ME3: variants seen among roughly 807,000 people sequenced by gnomAD.
The protein encoded by ME3 is NADP-dependent malic enzyme, mitochondrial.
In ME3, 48 loss-of-function variants were observed where a neutral mutation model predicts 68.9. The observed-to-expected ratio is 0.70, with a 90% CI of 0.55 to 0.89. ME3 has a LOEUF of 0.89. Among genes scored for constraint, ME3 ranks in the 40% least tolerant of loss-of-function variants. ME3 has a pLI of 0.00. For synonymous variants in ME3, 320 were observed against 318.8 expected, an observed-to-expected ratio of 1.00 and a Z score of -0.04; for missense variants, 675 against 797.4, an observed-to-expected ratio of 0.85 and a Z score of 1.85.
chr11:86,502,581 C>T (rs908124243), intron 5 of ME3, among the ~76,000 whole-genome samples: 4 of 152,164 alleles, frequency 2.6e-5, no homozygotes, highest in African/African-American at 9.6e-5. Context: ...CCCTGTTTTT[C>T]GTGACATCAA....
At position 86,492,413 on chromosome 11, in the gene ME3, G is replaced by A. The variant is rs1952060683; in HGVS notation, c.706-4973C>T. On this transcript the variant is annotated intron_variant, in intron 6 of 14. Coordinates refer to ENST00000543262, the Ensembl canonical transcript of ME3. ...TTTTTGAAGGTTGGAAAGAATAAAT[G>A]AGCTGCCCAAAGTCACAAAACACAT... is the stretch of plus-strand genomic sequence containing the variant. Among the ~76,000 whole-genome samples, 6 of 152,218 alleles carry A rather than the reference G, an allele frequency of 3.9e-5. No homozygotes were observed. The South Asian group carries it at 1.2e-3, about 32-fold the overall frequency.
In ME3 at chr11:86,564,476, A is replaced by AAAAC. The variant is rs58120093; in HGVS notation, c.184-4654_184-4653insGTTT. Among the ~76,000 whole-genome samples, 1,221 of 145,342 alleles carry AAAAC rather than the reference A, an allele frequency of 8.4e-3. 13 individuals are homozygous for AAAAC. Among genetic ancestry groups the AAAAC allele is most frequent in the South Asian group, 0.015 (69 of 4,614 alleles). On this transcript the variant is annotated intron_variant, in intron 2 of 14. Transcript: ENST00000543262. ...CAAAGCTACAGGAAAAAAAAAAAAA[A>AAAAC]CAGTGTGGGACTGGCATAAGAATAG... is the stretch of plus-strand genomic sequence containing the variant.
intron 2 of ME3, among the ~76,000 whole-genome samples, chr11:86,656,154 C>T (rs1594802861): frequency 6.7e-6 from 1 of 149,918 alleles, no homozygotes. Context: ...GTTGGTGGGA[C>T]TGTAAACTAG....
intron 2 of ME3, among the ~76,000 whole-genome samples, chr11:86,581,362 A>G (rs1958435563): frequency 6.6e-6 from 1 of 152,158 alleles, no homozygotes; most frequent in Non-Finnish European, 1.5e-5. Flanking sequence ...TGAGTGATGG[A>G]TCAGACTGCC....
chr11:86,594,651 A>G (rs1959188808), intron 2 of ME3, among the ~76,000 whole-genome samples: 2 of 146,246 alleles, frequency 1.4e-5, no homozygotes, highest in African/African-American at 5.0e-5. Context: ...CTGTGATTGC[A>G]CCACTGACAC....
At chr11:86,550,379 C>T (rs1198930982) in intron 4 of ME3, among the ~76,000 whole-genome samples, 4 of 152,010 alleles carry the variant, frequency 2.6e-5, no homozygotes, top group Non-Finnish European at 4.4e-5. Flanking sequence ...AAGTGACTTG[C>T]CTAAGGAGTT....
intron 2 of ME3, among the ~76,000 whole-genome samples, chr11:86,653,286 T>C (rs868352225): frequency 6.6e-6 from 1 of 151,988 alleles, no homozygotes; most frequent in South Asian, 2.1e-4. Flanking sequence ...AATCAACAGA[T>C]TATACATTAT....
intron 3 of ME3, 99 bp downstream of exon 3, chr11:86,559,591 T>G (rs1026886019): frequency 1.4e-6 from 2 of 1,424,934 alleles, no homozygotes; most frequent in African/African-American, 2.9e-5. Context: ...CTCTCAGCCT[T>G]TTTTAGCTGG....
Position 86,462,581 on chromosome 11 carries a change from T to C in ME3, c.919+2510A>G. On this transcript the variant is annotated intron_variant, in intron 8 of 14. Transcript: ENST00000543262. Reference sequence around the variant, plus strand: ...ACATACTCACATGAACAGGTGGGTGTGCTTATGAGGATGTCAGTTTGTATG... The same window carrying C: ...ACATACTCACATGAACAGGTGGGTGCGCTTATGAGGATGTCAGTTTGTATG... 10 of 1,284,768 alleles carry C rather than the reference T, an allele frequency of 7.8e-6. No homozygotes were observed. In the South Asian group the frequency reaches 1.2e-4, roughly 16 times the overall value. The allele number at this position is 1,284,768 out of a possible 1,614,324, so 79.6% of individuals were successfully genotyped here.
intron 2 of ME3, 183 bp downstream of exon 2, chr11:86,671,579 G>C (rs2135537618): frequency 1.5e-6 from 1 of 646,958 alleles, no homozygotes; most frequent in Non-Finnish European, 2.5e-6. Flanking sequence ...CTCTCTCCAC[G>C]CATAAAAGGG....
intron 8 of ME3, among the ~76,000 whole-genome samples, chr11:86,454,086 A>AAAGG (rs1949787829): frequency 1.3e-5 from 2 of 152,272 alleles, no homozygotes; most frequent in African/African-American, 4.8e-5. Flanking sequence ...AACCAAAACA[A>AAAGG]AACAAAGCAA....
intron 10 of ME3, among the ~76,000 whole-genome samples, chr11:86,449,020 G>T (rs1435176978): frequency 2.0e-5 from 3 of 152,232 alleles, no homozygotes; most frequent in Non-Finnish European, 2.9e-5. Flanking sequence ...AGACGTAGGG[G>T]TGGGTGGGAA....
intron 2 of ME3, among the ~76,000 whole-genome samples, chr11:86,600,058 A>C (rs1296294968): frequency 6.6e-6 from 1 of 152,134 alleles, no homozygotes; most frequent in African/African-American, 2.4e-5. Flanking sequence ...CAAAATAAAT[A>C]ACCAGCTAAC....
chr11:86,611,490 G>A lies in ME3; in HGVS notation c.184-51667C>T, dbSNP rs137878937. On this transcript the variant is annotated intron_variant, in intron 2 of 14. Coordinates refer to ENST00000543262, the Ensembl canonical transcript of ME3. ...TGTGAGGTGATAGATATGTTAATTC[G>A]CGTGATTGTGGTCATCATCTCACAA... is the stretch of plus-strand genomic sequence containing the variant. Among the ~76,000 whole-genome samples the A allele has an allele frequency of 6.5e-4, 99 of 151,170 alleles. 1 individual carries two copies. In the East Asian group the frequency reaches 0.016, roughly 24 times the overall value.
chr11:86,599,151 C>G (rs1198934969), intron 2 of ME3, among the ~76,000 whole-genome samples: 2 of 152,132 alleles, frequency 1.3e-5, no homozygotes, highest in Admixed American at 6.5e-5. Flanking sequence ...TCAAACTACT[C>G]TGAGCTACAG....
intron 7 of ME3, among the ~76,000 whole-genome samples, chr11:86,479,234 A>T (rs767776): frequency 0.43 from 64,864 of 151,710 alleles, 14,201 homozygotes; most frequent in South Asian, 0.53. Flanking sequence ...TGGCCTTCTG[A>T]CTCCAGGATG....
intron 4 of ME3, among the ~76,000 whole-genome samples, chr11:86,537,044 C>G (rs1361991169): frequency 2.0e-5 from 3 of 150,330 alleles, no homozygotes; most frequent in African/African-American, 4.9e-5. Flanking sequence ...GAACAAAAAA[C>G]CAAACACCGC....
chr11:86,450,108 G>T, intron 9 of ME3, 106 bp from the exon 10 acceptor site: 1 of 989,676 alleles, frequency 1.0e-6, no homozygotes, highest in Non-Finnish European at 1.5e-6. Context: ...CCACCTCAAT[G>T]ACTCCCAGGA....
At chr11:86,645,195 G>A (rs2135400987) in intron 2 of ME3, among the ~76,000 whole-genome samples, 1 of 152,240 alleles carries the variant, frequency 6.6e-6, no homozygotes, top group African/African-American at 2.4e-5. Context: ...GTGGCAGCTG[G>A]AACACCAGCA....
Sources: allele counts gnomAD v4.1 joint callset (sites outside exome capture counted in the v4.1 genomes callset), GRCh38; gene constraint gnomAD v4.1.1; transcripts MANE v1.5; gene names NCBI Gene and HGNC (gene_info 2026-07-23, HGNC 2026-07-21).